UNC80: variants seen among roughly 807,000 people sequenced by gnomAD.
UNC80 encodes unc-80 subunit of NALCN channel complex.
A neutral mutation model predicts 384.6 loss-of-function variants in UNC80; 164 were observed. That is an observed-to-expected ratio of 0.43 (90% confidence interval 0.38 to 0.49). The LOEUF is 0.49. UNC80 is among the 20% of genes least tolerant of loss of function. The pLI is 0.00. For missense variants in UNC80, 3,330 were observed against 4,143.0 expected, an observed-to-expected ratio of 0.80 and a Z score of 5.39; for synonymous variants, 1,486 against 1,527.8, an observed-to-expected ratio of 0.97 and a Z score of 0.64.
In UNC80 at chr2:209,839,394, A is replaced by G; in HGVS notation, c.3214A>G (p.Arg1072Gly). The G allele has an allele frequency of 6.4e-7, 1 of 1,552,124 alleles. No homozygotes were observed. The highest frequency in any genetic ancestry group is 2.4e-5 in the East Asian group (1 of 40,912). Residue 1072 changes from arginine (R) to glycine (G), a missense_variant, in exon 19 of 65, where the codon AGA becomes GGA. Around this residue, in one of 8 missense-constraint regions of UNC80, gnomAD observed 801 missense variants for 950.8 expected, o/e 0.84. Transcript: ENST00000673920. The surrounding 1 kb of genome is among the most constrained non-coding windows in gnomAD (Gnocchi z 4.1). ...SDRRARSRSR[R>G]ISLRKKLKLP... ...CCGACGTGCCCGCTCACGATCCCGC[A>G]GAATTTCCCTCCGAAAGAAGCTTAA...
chr2:209,920,812 T>C (rs1373929123), intron 33 of UNC80, among the ~76,000 whole-genome samples: 9 of 152,064 alleles, frequency 5.9e-5, no homozygotes, highest in African/African-American at 1.9e-4. Flanking sequence ...TTATTAACCT[T>C]ATGAAATAAA....
chr2:209,834,209 A>G (rs1415726854), intron 17 of UNC80, 41 bp downstream of exon 17: 1 of 1,541,612 alleles, frequency 6.5e-7, no homozygotes, highest in African/African-American at 1.4e-5. Context: ...GTTTGCCTTA[A>G]GTCAGTAGAA....
chr2:209,952,158 C>T (rs1213863788), intron 47 of UNC80, among the ~76,000 whole-genome samples: 2 of 152,106 alleles, frequency 1.3e-5, no homozygotes, highest in Non-Finnish European at 2.9e-5. Context: ...ATGTAGATCA[C>T]TTGTGGCTCT....
At chr2:209,973,332 A>G in intron 56 of UNC80, 62 bp downstream of exon 56, 3 of 1,330,014 alleles carry the variant, frequency 2.3e-6, no homozygotes, top group Non-Finnish European at 3.1e-6. Flanking sequence ...ATGTGAAAAT[A>G]TATGTGTAGA....
intron 7 of UNC80, among the ~76,000 whole-genome samples, chr2:209,800,370 TG>T (rs967406388): frequency 6.6e-6 from 1 of 152,168 alleles, no homozygotes; most frequent in Non-Finnish European, 1.5e-5. Flanking sequence ...TATTCTCTGA[TG>T]GTAGTTTGCA....
rs1455463068 is a variant in UNC80 at position 209,998,346 on chromosome 2, G to A, written c.*2751G>A. On this transcript the variant is annotated 3_prime_UTR_variant, in exon 65 of 65. Transcript: ENST00000673920. The stretch of plus-strand genomic sequence containing the variant: ...TGCTTTCTAGAATTCTATTAGATAA[G>A]CTATGTCATTTTTCTGAAAAAGAAA... 3.9e-5 allele frequency: 6 copies of A among 152,162 alleles called. No homozygotes were observed. The highest frequency in any genetic ancestry group is 1.4e-4 in the African/African-American group (6 of 41,422). 9.4% of individuals were successfully genotyped at this position (152,162 alleles called of 1,614,324 possible).
At position 209,839,187 on chromosome 2, in the gene UNC80, T is replaced by A; in HGVS notation, c.3042-35T>A. 6.5e-7 allele frequency: 1 copy of A among 1,532,226 alleles called. No individual in the cohort carries two copies. The highest frequency in any genetic ancestry group is 8.8e-7 in the Non-Finnish European group (1 of 1,132,522). The allele number at this position is 1,532,226 out of a possible 1,614,324, so 94.9% of individuals were successfully genotyped here. A position where few individuals can be genotyped will look rare whatever the true frequency, so the allele number is the denominator to read the frequency against. On this transcript the variant is annotated intron_variant, in intron 18 of 64. Transcript: ENST00000673920. This position sits in a 1 kb window ranked among gnomAD's most constrained non-coding sequence, Gnocchi z 4.1. ...ATTTAGGAGAATTTCTCAAGTGTTG[T>A]CAGAAGTTTAACCCTATCCTCTGCT...
chr2:209,854,741 A>G (rs987272052), intron 22 of UNC80, among the ~76,000 whole-genome samples: 6 of 152,216 alleles, frequency 3.9e-5, no homozygotes, highest in South Asian at 2.1e-4. Flanking sequence ...CAAAACTACA[A>G]TGAGATACCA....
chr2:209,912,598 G>T lies in UNC80; in HGVS notation c.4821G>T (p.Lys1607Asn), dbSNP rs1574989245. ...DKSCLRTPSL[K>N]KRVSDANLEG... ...CATGCCTGAGGACACCTTCTCTAAAGAAGAGAGTTTCAGATGCCAATCTGG... is the reference window on the plus strand; with the variant it reads ...CATGCCTGAGGACACCTTCTCTAAATAAGAGAGTTTCAGATGCCAATCTGG... The change falls in exon 30 of 65, where the codon AAG becomes AAT. Residue 1607 changes from lysine to asparagine, a missense_variant. Physicochemically the swap from Lys to Asn is moderately conservative, Grantham distance 94. Transcript: ENST00000673920. 1 of 1,551,402 alleles carries T rather than the reference G, an allele frequency of 6.4e-7. No individual in the cohort carries two copies. The highest frequency in any genetic ancestry group is 8.7e-7 in the Non-Finnish European group (1 of 1,146,844).
Position 209,881,108 on chromosome 2 carries a change from T to C in UNC80, c.4110+14T>C. 6.4e-7 allele frequency: 1 copy of C among 1,551,430 alleles called. No individual in the cohort carries two copies. Among genetic ancestry groups the C allele is most frequent in the Non-Finnish European group, 8.7e-7 (1 of 1,146,834 alleles). On this transcript the variant is annotated intron_variant, in intron 25 of 64. Coordinates refer to ENST00000673920, the MANE Select transcript of UNC80 (RefSeq NM_001371986.1). ...GAGCCTCTGGTGGTAAGTTAAAGCA[T>C]GCAAGTTAATAATCAGGTTACTCGG...
At chr2:209,985,585 A>G (rs939207616) in intron 61 of UNC80, among the ~76,000 whole-genome samples, 34 of 152,330 alleles carry the variant, frequency 2.2e-4, no homozygotes, top group Non-Finnish European at 4.0e-4. Flanking sequence ...AAATAATGTA[A>G]TGTCTTGGCT....
chr2:209,786,099 C>G lies in UNC80; in HGVS notation c.634C>G (p.Leu212Val). The change falls in exon 5 of 65, where the codon CTT becomes GTT. Residue 212 changes from leucine (L) to valine (V), a missense_variant. Leu to Val is a conservative substitution (Grantham distance 32). Around this residue, in one of 8 missense-constraint regions of UNC80, gnomAD observed 937 missense variants for 1,026.8 expected, o/e 0.91. Coordinates refer to ENST00000673920, the MANE Select transcript of UNC80 (RefSeq NM_001371986.1). ...CCTCACCTTCCGTCTGGCCAGTGGGCTTGTTATATGGCAGCCCATGTGGGA... is the reference window on the plus strand; with the variant it reads ...CCTCACCTTCCGTCTGGCCAGTGGGGTTGTTATATGGCAGCCCATGTGGGA... ...SDLTFRLASG[L>V]VIWQPMWEHR... The G allele has an allele frequency of 6.2e-7, 1 of 1,614,018 alleles. No homozygotes were observed. The highest frequency in any genetic ancestry group is 8.5e-7 in the Non-Finnish European group (1 of 1,179,944).
chr2:209,868,101 G>A (rs992137335), intron 22 of UNC80, among the ~76,000 whole-genome samples: 2 of 152,170 alleles, frequency 1.3e-5, no homozygotes, highest in Admixed American at 6.5e-5. Context: ...GTTAGCTAGT[G>A]AGTCAGTTAT....
chr2:209,902,711 T>A (rs2087552256), intron 28 of UNC80, among the ~76,000 whole-genome samples: 1 of 152,218 alleles, frequency 6.6e-6, no homozygotes, highest in Non-Finnish European at 1.5e-5. Flanking sequence ...AAAGCATTTT[T>A]AATTAAGGTA....
intron 59 of UNC80, 95 bp from the exon 60 acceptor site, chr2:209,982,084 C>T (rs2093170546): frequency 7.6e-7 from 1 of 1,313,278 alleles, no homozygotes; most frequent in Non-Finnish European, 1.0e-6. Context: ...CTAAGTTGTA[C>T]ACAAGCCAAG....
intron 1 of UNC80, 55 bp from the exon 2 acceptor site, chr2:209,773,039 C>T (rs567439794): frequency 7.3e-7 from 1 of 1,375,308 alleles, no homozygotes; most frequent in South Asian, 1.2e-5. Context: ...CACAAGGATG[C>T]TTTAATAATA....
At chr2:209,875,333 C>T (rs997630174) in intron 23 of UNC80, among the ~76,000 whole-genome samples, 4 of 152,164 alleles carry the variant, frequency 2.6e-5, no homozygotes, top group African/African-American at 4.8e-5. Flanking sequence ...GCCCTCTCCA[C>T]GACCTTTGCT....
chr2:209,809,382 C>A, intron 7 of UNC80: 1 of 1,073,254 alleles, frequency 9.3e-7, no homozygotes, highest in Non-Finnish European at 1.5e-6. Context: ...GGGGCCATGT[C>A]CGGACCCACA....
rs1340396904 is a variant in UNC80, at chr2:209,943,496, C to T, written c.7032C>T (p.Ala2344=). Residue 2344 remains alanine, a synonymous_variant, in exon 45 of 65, where the codon GCC becomes GCT. Coordinates refer to ENST00000673920, the MANE Select transcript of UNC80 (RefSeq NM_001371986.1). ...TGCTCCAGCTGTTTGCTAGTGTGGC[C>T]CCTCTCCTGGAATTTCCTGTAAGTA... ...PFVLQLFASV[A]PLLEFPDAAN... is the part of the protein sequence containing the mutation. 1 of 1,551,620 alleles carries T rather than the reference C, an allele frequency of 6.4e-7. No homozygotes were observed. The highest frequency in any genetic ancestry group is 8.7e-7 in the Non-Finnish European group (1 of 1,146,934).
Sources: gnomAD v4.1 joint callset for allele counts (sites outside exome capture counted in the v4.1 genomes callset) on GRCh38, gnomAD v4.1.1 for gene constraint, gnomAD v4.1.1 regional missense constraint, Gnocchi (gnomAD v3.1) non-coding constraint, MANE v1.5 for transcripts, NCBI Gene and HGNC (gene_info 2026-07-23, HGNC 2026-07-21) for gene names.